Variants in ADGRG5 observed in about 807,000 individuals in gnomAD.
ADGRG5 encodes the protein G protein-coupled receptor 114.
A neutral mutation model predicts 53.2 loss-of-function variants in ADGRG5; 37 were observed. The observed-to-expected ratio is 0.70, with a 90% CI of 0.53 to 0.91. ADGRG5 has a LOEUF of 0.91. Ranked by LOEUF, ADGRG5 falls within the 40% of genes least tolerant of loss-of-function variation. ADGRG5 has a pLI of 0.00. For synonymous variants in ADGRG5, 277 were observed against 290.4 expected (o/e 0.95, Z 0.47); for missense variants, 614 against 675.8 (o/e 0.91, Z 1.01).
rs2033372927 is a variant in ADGRG5, at chr16:57,571,966, T to C, written c.1208+1431T>C. On this transcript the variant is annotated intron_variant, in intron 10 of 11. Transcript: ENST00000349457. ...CCTATTTTCTTATATAATAATATGATGAGGACAAAGGAGCTTTAGTGACAC... is the reference window on the plus strand; with the variant it reads ...CCTATTTTCTTATATAATAATATGACGAGGACAAAGGAGCTTTAGTGACAC... Among the ~76,000 whole-genome samples the C allele has an allele frequency of 1.5e-4, 23 of 152,108 alleles. 2 individuals carry two copies. The South Asian group carries it at 4.8e-3, about 32-fold the overall frequency.
At position 57,566,603 on chromosome 16, in the gene ADGRG5, G is replaced by A. The variant is rs754736668; in HGVS notation, c.551G>A (p.Gly184Asp). 9.9e-6 allele frequency: 15 copies of A among 1,521,520 alleles called. No individual in the cohort carries two copies. In the East Asian group the frequency reaches 1.2e-4, roughly 13 times the overall value. 94.3% of individuals were successfully genotyped at this position (1,521,520 alleles called of 1,614,324 possible). ...ISFWHNQSLE[G>D]YTLTCVFWKE... ...TGACCCAGCATCTCCACCCAGGAAG[G>A]CTACACCCTGACCTGTGTCTTCTGG... Residue 184 changes from glycine to aspartate, a missense_variant, in exon 7 of 12, where the codon GGC (glycine) becomes GAC (aspartate). Coordinates refer to ENST00000349457, the MANE Select transcript of ADGRG5 (RefSeq NM_001304376.3).
In ADGRG5 at chr16:57,565,153, A is replaced by G. The variant is rs1205359043; in HGVS notation, c.546+3A>G. ...GCTTCTGGCACAACCAAAGCCTGGT[A>G]CTGCTGGGGGCGCCCCCGTTTCCAC... On this transcript the variant is annotated splice_donor_region_variant and intron_variant, in intron 6 of 11. Transcript: ENST00000349457. 7 of 1,594,554 alleles carry G rather than the reference A, an allele frequency of 4.4e-6. No individual in the cohort carries two copies. Among genetic ancestry groups the G allele is most frequent in the Non-Finnish European group, 6.0e-6 (7 of 1,162,408 alleles).
At chr16:57,551,021 G>A (rs1475683517) in intron 1 of ADGRG5, among the ~76,000 whole-genome samples, 1 of 152,184 alleles carries the variant, frequency 6.6e-6, no homozygotes. Flanking sequence ...GCAACAGAGC[G>A]AGACTGTCTC....
chr16:57,535,993 C>A, the ADGRG5 span, among the ~76,000 whole-genome samples: 1 of 152,210 alleles, frequency 6.6e-6, no homozygotes. Flanking sequence ...CTGCGAACCG[C>A]CCCGCTCCAC....
Position 57,566,769 on chromosome 16 carries a change from G to A in ADGRG5, c.699+18G>A. On this transcript the variant is annotated intron_variant, in intron 7 of 11. Coordinates refer to ENST00000349457, the MANE Select transcript of ADGRG5 (RefSeq NM_001304376.3). ...TTCTCATGGTATGTATGCATCCTGAGTGGGGCTCAGAGCTACAGAGGGCCC... is the reference window on the plus strand; with the variant it reads ...TTCTCATGGTATGTATGCATCCTGAATGGGGCTCAGAGCTACAGAGGGCCC... 5.5e-6 allele frequency: 8 copies of A among 1,443,840 alleles called. No homozygotes were observed. The highest frequency in any genetic ancestry group is 7.3e-6 in the Non-Finnish European group (8 of 1,092,850). The allele number at this position is 1,443,840 out of a possible 1,614,324, so 89.4% of individuals were successfully genotyped here.
At chr16:57,568,958 C>A (rs1345761780) in intron 9 of ADGRG5, among the ~76,000 whole-genome samples, 17 of 150,668 alleles carry the variant, frequency 1.1e-4, no homozygotes, top group Non-Finnish European at 3.0e-5. Context: ...ATCTCCTCCA[C>A]CTCTATCACC....
chr16:57,574,962 C>T lies in ADGRG5; in HGVS notation c.1356C>T (p.Ala452=), dbSNP rs2033472440. 1 of 1,613,672 alleles carries T rather than the reference C, an allele frequency of 6.2e-7. No individual in the cohort carries two copies. The highest frequency in any genetic ancestry group is 8.5e-7 in the Non-Finnish European group (1 of 1,180,020). ...GGGCGGATGCACCAAGTGTCAGGGC[C>T]TGCCATGACACTGTCACTGTGCTGG... is the stretch of plus-strand genomic sequence containing the variant. ...RERADAPSVR[A]CHDTVTVLGL... The change falls in exon 11 of 12, where the codon GCC becomes GCT. Residue 452 remains alanine, a synonymous_variant. Coordinates refer to ENST00000349457, the MANE Select transcript of ADGRG5 (RefSeq NM_001304376.3). The surrounding 1 kb of genome is among the most constrained non-coding windows in gnomAD (Gnocchi z 4.4).
rs757933039 is a variant in ADGRG5 at position 57,565,001 on chromosome 16, C to T, written c.430-33C>T. ...CTTACCCAGGGCCTCCCCATTTCCC[C>T]TCCACTCAGCCCTTCTCCTGCTGCC... is the stretch of plus-strand genomic sequence containing the variant. On this transcript the variant is annotated intron_variant, in intron 5 of 11. Transcript: ENST00000349457. 1.8e-5 allele frequency: 24 copies of T among 1,349,792 alleles called. No homozygotes were observed. In the East Asian group the frequency reaches 4.6e-4, roughly 26 times the overall value. The allele number at this position is 1,349,792 out of a possible 1,614,324, so 83.6% of individuals were successfully genotyped here.
Position 57,567,608 on chromosome 16 carries a change from G to T in ADGRG5, c.821+17G>T. Reference sequence around the variant, plus strand: ...CCATTTCAGGTATTCCGCTGCCACAGTGCTGGGCCTGCCCTGCACTGTGGC... The same window carrying T: ...CCATTTCAGGTATTCCGCTGCCACATTGCTGGGCCTGCCCTGCACTGTGGC... On this transcript the variant is annotated intron_variant, in intron 8 of 11. Coordinates refer to ENST00000349457, the MANE Select transcript of ADGRG5 (RefSeq NM_001304376.3). 6.2e-7 allele frequency: 1 copy of T among 1,607,846 alleles called. No individual in the cohort carries two copies. The highest frequency in any genetic ancestry group is 8.5e-7 in the Non-Finnish European group (1 of 1,179,672).
At chr16:57,564,733 C>T (rs1357850852) in intron 5 of ADGRG5, among the ~76,000 whole-genome samples, 1 of 152,098 alleles carries the variant, frequency 6.6e-6, no homozygotes, top group Non-Finnish European at 1.5e-5. Context: ...AGGTGCCTTT[C>T]AACCTTGGCT....
At chr16:57,560,841 G>A (rs2032983286) in intron 1 of ADGRG5, among the ~76,000 whole-genome samples, 1 of 152,126 alleles carries the variant, frequency 6.6e-6, no homozygotes, top group African/African-American at 2.4e-5. Context: ...CTGGAGTGCA[G>A]TGGTATGATT....
the ADGRG5 span, among the ~76,000 whole-genome samples, chr16:57,537,038 C>T: frequency 6.6e-6 from 1 of 152,182 alleles, no homozygotes; most frequent in Non-Finnish European, 1.5e-5. Context: ...CTCAGTTTCT[C>T]TTTCTGTACA....
chr16:57,532,396 C>T, the ADGRG5 span, among the ~76,000 whole-genome samples: 1 of 152,172 alleles, frequency 6.6e-6, no homozygotes, highest in Non-Finnish European at 1.5e-5. Flanking sequence ...CCAGGAGATC[C>T]CTAGCAGCCT....
chr16:57,562,401 C>T lies in ADGRG5; in HGVS notation c.82C>T (p.Leu28=). 1 of 1,608,300 alleles carries T rather than the reference C, an allele frequency of 6.2e-7. No homozygotes were observed. The highest frequency in any genetic ancestry group is 1.1e-5 in the South Asian group (1 of 89,648). The change falls in exon 3 of 12, where the codon CTG becomes TTG. Residue 28 remains leucine, a synonymous_variant. Transcript: ENST00000349457. ...NATTETWEEL[L]SYMENMQVSR... is the part of the protein sequence containing the mutation. ...CCCCACAGAGACATGGGAAGAACTCCTGAGCTACATGGAGAATATGCAGGT... is the reference window on the plus strand; with the variant it reads ...CCCCACAGAGACATGGGAAGAACTCTTGAGCTACATGGAGAATATGCAGGT...
upstream of ADGRG5, among the ~76,000 whole-genome samples, chr16:57,541,702 C>T (rs1365759575): frequency 1.3e-5 from 2 of 152,192 alleles, no homozygotes; most frequent in Non-Finnish European, 2.9e-5. Context: ...AGAGCACATT[C>T]CTGAGTCAGT....
intron 1 of ADGRG5, among the ~76,000 whole-genome samples, chr16:57,555,463 G>T (rs1234554232): frequency 6.6e-6 from 1 of 151,864 alleles, no homozygotes. Context: ...CCCAGTCTTG[G>T]GTATTTCTTC....
At chr16:57,560,425 T>G in intron 1 of ADGRG5, among the ~76,000 whole-genome samples, 1 of 152,252 alleles carries the variant, frequency 6.6e-6, no homozygotes, top group East Asian at 1.9e-4. Flanking sequence ...CTGGTGAAAT[T>G]TCACTGTAAG....
At chr16:57,551,410 C>T (rs927034906) in intron 1 of ADGRG5, among the ~76,000 whole-genome samples, 2 of 152,188 alleles carry the variant, frequency 1.3e-5, no homozygotes, top group Non-Finnish European at 2.9e-5. Flanking sequence ...GGGCTTTATC[C>T]ACTACATTTA....
chr16:57,564,544 C>T (rs138361525), intron 5 of ADGRG5, among the ~76,000 whole-genome samples: 9 of 152,272 alleles, frequency 5.9e-5, no homozygotes, highest in Middle Eastern at 3.4e-3. Flanking sequence ...TCAAGTGATC[C>T]GCCTGCCTTG....
Sources: gnomAD v4.1 joint callset for allele counts (sites outside exome capture counted in the v4.1 genomes callset) on GRCh38, gnomAD v4.1.1 for gene constraint, Gnocchi (gnomAD v3.1) non-coding constraint, MANE v1.5 for transcripts, NCBI Gene and HGNC (gene_info 2026-07-23, HGNC 2026-07-21) for gene names.